SLCO5A1: variants seen among roughly 807,000 people sequenced by gnomAD.
SLCO5A1 encodes the protein solute carrier organic anion transporter family member 5A1.
SLCO5A1 carries 39 observed loss-of-function variants against 65.1 expected under a neutral mutation model. The ratio of observed to expected loss-of-function variants is 0.60; its 90% CI spans 0.46 to 0.78. SLCO5A1 has a LOEUF of 0.78. SLCO5A1 is among the 30% of genes least tolerant of loss of function. The probability of loss-of-function intolerance (pLI) is 0.00; values close to 1 mark genes in which losing one functional copy is unlikely to be tolerated. For synonymous variants in SLCO5A1, 438 were observed against 415.7 expected (o/e 1.05, Z -0.65); for missense variants, 1,029 against 1,069.4 (o/e 0.96, Z 0.53).
chr8:69,687,394 T>C (rs758041346), intron 6 of SLCO5A1, among the ~76,000 whole-genome samples: 13 of 152,206 alleles, frequency 8.5e-5, no homozygotes, highest in Non-Finnish European at 1.6e-4. Context: ...GATTACTGCG[T>C]CTAATTGTTA....
intron 5 of SLCO5A1, among the ~76,000 whole-genome samples, chr8:69,722,776 G>GGTGTGGGT (rs1554612710): frequency 4.1e-4 from 61 of 148,132 alleles, no homozygotes; most frequent in African/African-American, 1.4e-3. Context: ...ACACATGCAT[G>GGTGTGGGT]GTGTGTGTGT....
intron 5 of SLCO5A1, among the ~76,000 whole-genome samples, chr8:69,719,993 GA>G (rs1815742824): frequency 6.6e-6 from 1 of 152,166 alleles, no homozygotes; most frequent in South Asian, 2.1e-4. Context: ...CAATTGGGTA[GA>G]AATTACTAGA....
intron 2 of SLCO5A1, among the ~76,000 whole-genome samples, chr8:69,799,125 TTGTG>T (rs1158486589): frequency 6.6e-6 from 1 of 152,196 alleles, no homozygotes; most frequent in African/African-American, 2.4e-5. Context: ...GCAATGAGAT[TTGTG>T]TGTGTTTGTT....
intron 2 of SLCO5A1, among the ~76,000 whole-genome samples, chr8:69,797,883 T>TTAC (rs1195737387): frequency 6.6e-6 from 1 of 152,206 alleles, no homozygotes; most frequent in Non-Finnish European, 1.5e-5. Flanking sequence ...CCTTGTGATA[T>TTAC]CTTATTACCT....
chr8:69,827,434 A>G (rs1292519983), intron 2 of SLCO5A1, among the ~76,000 whole-genome samples: 1 of 152,226 alleles, frequency 6.6e-6, no homozygotes, highest in Non-Finnish European at 1.5e-5. Context: ...TTTAGTGGCT[A>G]TAAATGCTGC....
At chr8:69,729,446 C>CCAAAAA (rs1816236777) in intron 5 of SLCO5A1, among the ~76,000 whole-genome samples, 1 of 80,486 alleles carries the variant, frequency 1.2e-5, no homozygotes, top group African/African-American at 5.1e-5. Flanking sequence ...TCCGTCCCAA[C>CCAAAAA]AAAAAAAAAA....
At chr8:69,724,622 G>A (rs191299838) in intron 5 of SLCO5A1, among the ~76,000 whole-genome samples, 21 of 152,272 alleles carry the variant, frequency 1.4e-4, no homozygotes, top group African/African-American at 4.8e-4. Flanking sequence ...AGACGGTTCA[G>A]CAAAAGGACA....
chr8:69,734,206 C>T (rs932551383), intron 5 of SLCO5A1, among the ~76,000 whole-genome samples: 1 of 152,178 alleles, frequency 6.6e-6, no homozygotes, highest in Non-Finnish European at 1.5e-5. Context: ...CCTGCACCTG[C>T]TTGCCTTTGG....
chr8:69,744,128 C>G (rs536434192), intron 4 of SLCO5A1, among the ~76,000 whole-genome samples: 16 of 152,268 alleles, frequency 1.1e-4, no homozygotes, highest in Middle Eastern at 3.4e-3. Flanking sequence ...CTGAAAGGAT[C>G]TATATCATGT....
chr8:69,749,299 C>T (rs1005371479), intron 4 of SLCO5A1, among the ~76,000 whole-genome samples: 1 of 152,106 alleles, frequency 6.6e-6, no homozygotes, highest in African/African-American at 2.4e-5. Context: ...TCCATCATTC[C>T]CATATCAGTT....
chr8:69,778,226 GGGGT>G (rs1454529254), intron 2 of SLCO5A1, among the ~76,000 whole-genome samples: 120 of 139,140 alleles, frequency 8.6e-4, no homozygotes, highest in African/African-American at 3.2e-3. Context: ...ATATATGTAT[GGGGT>G]GTGTGTGTGT....
chr8:69,681,122 T>A (rs1813745892), intron 7 of SLCO5A1, among the ~76,000 whole-genome samples: 1 of 151,970 alleles, frequency 6.6e-6, no homozygotes, highest in African/African-American at 2.4e-5. Flanking sequence ...ACAACAGGAA[T>A]TCTCAATTTA....
chr8:69,730,563 G>T (rs1371567909), intron 5 of SLCO5A1, among the ~76,000 whole-genome samples: 2 of 152,140 alleles, frequency 1.3e-5, no homozygotes, highest in East Asian at 3.9e-4. Flanking sequence ...AACTACACAG[G>T]CCTGGAATTA....
intron 6 of SLCO5A1, among the ~76,000 whole-genome samples, chr8:69,703,041 G>T (rs574266044): frequency 3.3e-5 from 5 of 150,962 alleles, no homozygotes; most frequent in Admixed American, 3.3e-4. Flanking sequence ...AACCTGGGAG[G>T]TTGAGGCTGC....
At position 69,765,133 on chromosome 8, in the gene SLCO5A1, T is replaced by A. The variant is rs545091404; in HGVS notation, c.908-3258A>T. Among the ~76,000 whole-genome samples the A allele has an allele frequency of 2.6e-5, 4 of 152,296 alleles. No homozygotes were observed. In the South Asian group the frequency reaches 6.2e-4, roughly 24 times the overall value. ...TCCCATATATATCTGTGTGCCTGTG[T>A]GTATATATATGTATGTATACGTGTG... is the stretch of plus-strand genomic sequence containing the variant. On this transcript the variant is annotated intron_variant, in intron 2 of 9. Transcript: ENST00000260126.
intron 6 of SLCO5A1, among the ~76,000 whole-genome samples, chr8:69,699,876 T>C (rs182537153): frequency 2.3e-3 from 348 of 152,300 alleles, no homozygotes; most frequent in African/African-American, 8.0e-3. Context: ...CCCAGCACTT[T>C]AGGAGGCCAA....
chr8:69,801,349 T>TA (rs1819728202), intron 2 of SLCO5A1, among the ~76,000 whole-genome samples: 1 of 152,198 alleles, frequency 6.6e-6, no homozygotes, highest in Non-Finnish European at 1.5e-5. Context: ...TTACAGCTAG[T>TA]AAAAAACTAA....
chr8:69,732,448 G>A (rs1816375457), intron 5 of SLCO5A1, among the ~76,000 whole-genome samples: 1 of 152,202 alleles, frequency 6.6e-6, no homozygotes, highest in African/African-American at 2.4e-5. Context: ...TGTGGACCAT[G>A]GCTGAGTGGA....
At chr8:69,771,489 T>C (rs1818320384) in intron 2 of SLCO5A1, among the ~76,000 whole-genome samples, 1 of 152,226 alleles carries the variant, frequency 6.6e-6, no homozygotes, top group Non-Finnish European at 1.5e-5. Context: ...CTTTAAACCT[T>C]TGTTATATTC....
Sources: gnomAD v4.1 joint callset for allele counts (sites outside exome capture counted in the v4.1 genomes callset) on GRCh38, gnomAD v4.1.1 for gene constraint, MANE v1.5 for transcripts, NCBI Gene and HGNC (gene_info 2026-07-23, HGNC 2026-07-21) for gene names.